The following TGM1 variants were observed in gnomAD, a reference collection of about 807,000 sequenced individuals.
The protein encoded by TGM1 is protein-glutamine gamma-glutamyltransferase K.
In TGM1, 63 loss-of-function variants were observed where a neutral mutation model predicts 88.7. That is an observed-to-expected ratio of 0.71 (90% CI 0.58 to 0.88). TGM1 has a LOEUF of 0.88. TGM1 is among the 40% of genes least tolerant of loss of function. The pLI is 0.00. For synonymous variants in TGM1, 415 were observed against 431.1 expected (o/e 0.96, Z 0.46); for missense variants, 996 against 1,118.0 (o/e 0.89, Z 1.56).
intron 9 of TGM1, 49 bp from the exon 10 acceptor site, chr14:24,256,126 G>T: frequency 6.8e-7 from 1 of 1,471,132 alleles, no homozygotes; most frequent in Non-Finnish European, 9.3e-7. Flanking sequence ...AGGCGGAGAG[G>T]GCTCTTCAGA....
chr14:24,261,554 C>T, intron 3 of TGM1, 141 bp downstream of exon 3: 1 of 1,075,398 alleles, frequency 9.3e-7, no homozygotes, highest in Non-Finnish European at 1.4e-6. Context: ...CCCAGGGGCA[C>T]ACCCACACAC....
At position 24,249,224 on chromosome 14, in the gene TGM1, G is replaced by A; in HGVS notation, c.*89C>T. ...CGGGAGCCCTGGACTCCCCACCTGA[G>A]CTCCTGGGGAGCTGCTCTGTAGTGT... On this transcript the variant is annotated 3_prime_UTR_variant, in exon 15 of 15. Transcript: ENST00000206765. 2.6e-6 allele frequency: 3 copies of A among 1,172,600 alleles called. No individual in the cohort carries two copies. The highest frequency in any genetic ancestry group is 3.8e-6 in the Non-Finnish European group (3 of 796,006). The allele number at this position is 1,172,600 out of a possible 1,614,324, so 72.6% of individuals were successfully genotyped here. A position where few individuals can be genotyped will look rare whatever the true frequency, so the allele number is the denominator to read the frequency against.
At position 24,261,838 on chromosome 14, in the gene TGM1, G is replaced by A. The variant is rs141486741; in HGVS notation, c.365C>T (p.Ser122Leu). ...GTGGTGCTCTCGGCGGTTCTGGTCC[G>A]AGCGCGAGCTCAGCAAGTCCACACC... ...VNGVDLLSSR[S>L]DQNRREHHTD... Residue 122 changes from serine (S) to leucine (L), a missense_variant, in exon 3 of 15, where the codon TCG becomes TTG. Coordinates refer to ENST00000206765, the MANE Select transcript of TGM1 (RefSeq NM_000359.3). 1,387 of 1,613,902 alleles carry A rather than the reference G, an allele frequency of 8.6e-4. 13 individuals carry two copies. In the African/African-American group the frequency reaches 0.016, roughly 19 times the overall value.
Position 24,254,762 on chromosome 14 carries a change from C to T in TGM1, c.1990G>A (p.Ala664Thr), listed in dbSNP as rs1244694484. 6 of 1,614,032 alleles carry T rather than the reference C, an allele frequency of 3.7e-6. No homozygotes were observed. Among genetic ancestry groups the T allele is most frequent in the African/African-American group, 1.3e-5 (1 of 75,048 alleles). ...TGGCCTGAGACATTGAGCAGCATGGCCCCCTGGTCCACAAGATGGGGCCGG... is the reference window on the plus strand; with the variant it reads ...TGGCCTGAGACATTGAGCAGCATGGTCCCCTGGTCCACAAGATGGGGCCGG... ...EYRPHLVDQG[A>T]MLLNVSGHVK... is the part of the protein sequence containing the mutation. The change falls in exon 13 of 15, where the codon GCC becomes ACC. Residue 664 changes from alanine (A) to threonine (T), a missense_variant. Ala to Thr is a moderately conservative substitution (Grantham distance 58). Coordinates refer to ENST00000206765, the MANE Select transcript of TGM1 (RefSeq NM_000359.3).
chr14:24,259,770 G>T lies in TGM1; in HGVS notation c.918C>A (p.Asp306Glu). 1 of 1,613,272 alleles carries T rather than the reference G, an allele frequency of 6.2e-7. No homozygotes were observed. The highest frequency in any genetic ancestry group is 8.5e-7 in the Non-Finnish European group (1 of 1,179,906). ...GGCCTCCATATGGCATCCCCCGCCG[G>T]TCCAGGATGTATAAGCAGGCATCCA... is the stretch of plus-strand genomic sequence containing the variant. ...GVLDACLYIL[D>E]RRGMPYGGRG... The change falls in exon 6 of 15, where the codon GAC (aspartate) becomes GAA (glutamate). Residue 306 changes from aspartate to glutamate, a missense_variant. Asp to Glu is a conservative substitution (Grantham distance 45). Coordinates refer to ENST00000206765, the MANE Select transcript of TGM1 (RefSeq NM_000359.3). The surrounding 1 kb of genome is among the most constrained non-coding windows in gnomAD (Gnocchi z 5.7).
intron 3 of TGM1, 50 bp from the exon 4 acceptor site, chr14:24,260,748 G>A (rs764501695): frequency 6.2e-7 from 1 of 1,613,282 alleles, no homozygotes; most frequent in Admixed American, 1.7e-5. Flanking sequence ...TGAGGAGAGG[G>A]GATGGAGCCT....
chr14:24,258,273 G>A lies in TGM1; in HGVS notation c.1402+12C>T. On this transcript the variant is annotated intron_variant, in intron 9 of 14. Coordinates refer to ENST00000206765, the MANE Select transcript of TGM1 (RefSeq NM_000359.3). ...AGCAGGGGCATGGTGGGGAGTGGGG[G>A]GCCCAGCTTACCACTGCTAGTCTCT... is the stretch of plus-strand genomic sequence containing the variant. 3 of 1,605,350 alleles carry A rather than the reference G, an allele frequency of 1.9e-6. No homozygotes were observed. Among genetic ancestry groups the A allele is most frequent in the Non-Finnish European group, 1.7e-6 (2 of 1,172,564 alleles).
intron 9 of TGM1, among the ~76,000 whole-genome samples, chr14:24,257,166 C>A (rs1454352200): frequency 6.6e-6 from 1 of 152,202 alleles, no homozygotes; most frequent in Non-Finnish European, 1.5e-5. Context: ...CCGGGTTGCA[C>A]AGCTCATGGG....
rs752411526 is a variant in TGM1 at position 24,262,217 on chromosome 14, G to A, written c.136C>T (p.Arg46Cys). The A allele has an allele frequency of 1.9e-6, 3 of 1,613,744 alleles. No individual in the cohort carries two copies. Among genetic ancestry groups the A allele is most frequent in the Non-Finnish European group, 2.5e-6 (3 of 1,180,026 alleles). ...CGGCATGAACAGCAGCCACAGCAGC[G>A]AGCCCAGAAGGAACGGCCTCCTCCT... is the stretch of plus-strand genomic sequence containing the variant. ...RRGGGRSFWA[R>C]CCGCCSCRNA... The change falls in exon 2 of 15, where the codon CGC (arginine) becomes TGC (cysteine). Residue 46 changes from arginine (R) to cysteine (C), a missense_variant. Transcript: ENST00000206765.
At chr14:24,260,424 C>T (rs2139025901) in intron 4 of TGM1, 26 bp downstream of exon 4, 1 of 1,613,964 alleles carries the variant, frequency 6.2e-7, no homozygotes, top group South Asian at 1.1e-5. Flanking sequence ...CCCATCTACC[C>T]TCTGCTCCAG....
Position 24,260,500 on chromosome 14 carries a change from G to A in TGM1, c.707C>T (p.Pro236Leu), listed in dbSNP as rs1438917804. 5.0e-6 allele frequency: 8 copies of A among 1,613,710 alleles called. No homozygotes were observed. Among genetic ancestry groups the A allele is most frequent in the Non-Finnish European group, 6.8e-6 (8 of 1,179,900 alleles). The change falls in exon 4 of 15, where the codon CCC (proline) becomes CTC (leucine). Residue 236 changes from proline to leucine, a missense_variant. By Grantham distance (98) the Pro-to-Leu change is moderately conservative. Transcript: ENST00000206765. The part of the protein sequence containing the change: ...TQSDAGEFQL[P>L]FDPRNEIYIL... ...GTAGATCTCATTGCGGGGGTCAAAG[G>A]GCAACTGGAACTCCCCAGCGTCTGA...
intron 3 of TGM1, 25 bp from the exon 4 acceptor site, chr14:24,260,723 C>A (rs370071013): frequency 1.2e-4 from 201 of 1,613,898 alleles, no homozygotes; most frequent in Non-Finnish European, 1.5e-4. Flanking sequence ...CAGCAATTAG[C>A]TGGCAAGGCC....
chr14:24,255,000 C>A lies in TGM1; in HGVS notation c.1899G>T (p.Lys633Asn), dbSNP rs751113929. 6.2e-7 allele frequency: 1 copy of A among 1,613,970 alleles called. No homozygotes were observed. ...GVSGTIFKET[K>N]KEVELAPGAS... ...CCCCTGGTGCCAGCTCCACTTCCTT[C>A]TTGGTCTCCTTGAAGATGGTACCAC... Residue 633 changes from lysine (K) to asparagine (N), a missense_variant, in exon 12 of 15, where the codon AAG (lysine) becomes AAT (asparagine). By Grantham distance (94) the Lys-to-Asn change is moderately conservative. Coordinates refer to ENST00000206765, the MANE Select transcript of TGM1 (RefSeq NM_000359.3).
chr14:24,255,655 AAGGGG>A lies in TGM1; in HGVS notation c.1492-143_1492-139del. ...GGGTGGGAGCTTCCTGGCAGAGCCC[AAGGGG>A]AGACTTTCCAAGACGAGCCAGACGA... On this transcript the variant is annotated intron_variant, in intron 10 of 14. Coordinates refer to ENST00000206765, the MANE Select transcript of TGM1 (RefSeq NM_000359.3). This position sits in a 1 kb window ranked among gnomAD's most constrained non-coding sequence, Gnocchi z 4.0. The A allele has an allele frequency of 8.4e-7, 1 of 1,188,338 alleles. No homozygotes were observed. 73.6% of individuals were successfully genotyped at this position (1,188,338 alleles called of 1,614,324 possible).
Position 24,255,863 on chromosome 14 carries a change from G to C in TGM1, c.1491+126C>G, listed in dbSNP as rs2040746150. On this transcript the variant is annotated intron_variant, in intron 10 of 14. Coordinates refer to ENST00000206765, the MANE Select transcript of TGM1 (RefSeq NM_000359.3). The surrounding 1 kb of genome is among the most constrained non-coding windows in gnomAD (Gnocchi z 4.0). Reference sequence around the variant, plus strand: ...CAGCCTTGATTATCCCCTTTTACAGGTGAGGAAACTGACTTGTATAATGAG... The same window carrying C: ...CAGCCTTGATTATCCCCTTTTACAGCTGAGGAAACTGACTTGTATAATGAG... The C allele has an allele frequency of 1.2e-6, 1 of 840,116 alleles. No homozygotes were observed. The highest frequency in any genetic ancestry group is 2.6e-5 in the East Asian group (1 of 37,770). The allele number at this position is 840,116 out of a possible 1,614,324, so 52.0% of individuals were successfully genotyped here.
At chr14:24,253,747 G>C (rs2139018004) in intron 14 of TGM1, among the ~76,000 whole-genome samples, 1 of 152,322 alleles carries the variant, frequency 6.6e-6, no homozygotes, top group East Asian at 1.9e-4. Flanking sequence ...CTGCCAAAGT[G>C]CTGGGATTAC....
Position 24,261,821 on chromosome 14 carries a change from C to A in TGM1, c.382G>T (p.Glu128Ter). The change falls in exon 3 of 15, where the codon GAG becomes TAG. Residue 128 changes from glutamate (E) to a stop codon, truncating the protein, a stop_gained. Coordinates refer to ENST00000206765, the MANE Select transcript of TGM1 (RefSeq NM_000359.3). LOFTEE classifies it high-confidence loss of function. ...LSSRSDQNRR[E>*]HHTDEYEYDE... The stretch of plus-strand genomic sequence containing the variant: ...TACTCATACTCGTCTGTGTGGTGCT[C>A]TCGGCGGTTCTGGTCCGAGCGCGAG... 6.2e-7 allele frequency: 1 copy of A among 1,614,126 alleles called. No individual in the cohort carries two copies. Among genetic ancestry groups the A allele is most frequent in the Non-Finnish European group, 8.5e-7 (1 of 1,180,028 alleles).
In TGM1 at chr14:24,260,698, C is replaced by T. The variant is rs1204993538; in HGVS notation, c.509G>A (p.Gly170Glu). 3 of 1,613,944 alleles carry T rather than the reference C, an allele frequency of 1.9e-6. No homozygotes were observed. Among genetic ancestry groups the T allele is most frequent in the Non-Finnish European group, 2.5e-6 (3 of 1,180,034 alleles). The change falls in exon 4 of 15, where the codon GGA (glycine) becomes GAA (glutamate). Residue 170 changes from glycine to glutamate, a missense_variant and splice_region_variant. Physicochemically the swap from Gly to Glu is moderately conservative, Grantham distance 98. Coordinates refer to ENST00000206765, the MANE Select transcript of TGM1 (RefSeq NM_000359.3). ...GCCCTTGCCCACCTCGGGGTTGTTT[C>T]CTAGAGTAGGAAATCAGCAATTAGC... ...SDRITLELLI[G>E]NNPEVGKGTH...
intron 9 of TGM1, 60 bp downstream of exon 9, chr14:24,258,225 G>T: frequency 7.0e-7 from 1 of 1,420,706 alleles, no homozygotes; most frequent in African/African-American, 1.4e-5. Context: ...ACTCTGGACT[G>T]TGTTAATCAG....
Sources: gnomAD v4.1 joint callset for allele counts (sites outside exome capture counted in the v4.1 genomes callset) on GRCh38, gnomAD v4.1.1 for gene constraint, Gnocchi (gnomAD v3.1) non-coding constraint, MANE v1.5 for transcripts, NCBI Gene and HGNC (gene_info 2026-07-23, HGNC 2026-07-21) for gene names.